MANBA: variants seen among roughly 807,000 people sequenced by gnomAD.
MANBA encodes the protein beta-mannosidase.
A neutral mutation model predicts 111.1 loss-of-function variants in MANBA; 83 were observed. The ratio of observed to expected loss-of-function variants is 0.75; its 90% confidence interval spans 0.63 to 0.90. The LOEUF (loss-of-function observed/expected upper bound fraction) is 0.90, where lower values mean the gene tolerates loss of function less well. Among genes scored for constraint, MANBA ranks in the 40% least tolerant of loss-of-function variants. MANBA has a pLI of 0.00. For synonymous variants in MANBA, 370 were observed against 378.7 expected (o/e 0.98, Z 0.27); for missense variants, 1,036 against 1,069.0 (o/e 0.97, Z 0.43).
chr4:102,700,005 G>A (rs1302215423), intron 5 of MANBA, among the ~76,000 whole-genome samples: 2 of 150,160 alleles, frequency 1.3e-5, no homozygotes, highest in Non-Finnish European at 3.0e-5. Flanking sequence ...TTTTTGGTTG[G>A]TAAGCTATTG....
Position 102,722,993 on chromosome 4 carries a change from G to A in MANBA, c.427C>T (p.Arg143Cys), listed in dbSNP as rs145950049. The change falls in exon 4 of 17, where the codon CGT becomes TGT. Residue 143 changes from arginine to cysteine, a missense_variant. Physicochemically the swap from Arg to Cys is radical, Grantham distance 180. Transcript: ENST00000647097. Reference protein sequence around the residue: ...VVRDVNSIELRFQSAVLYAAQ... With the variant: ...VVRDVNSIELCFQSAVLYAAQ... ...GCATACAACACCGCTGACTGGAAAC[G>A]CAGCTCAATGGAGTTCACGTCCCTG... 2.0e-5 allele frequency: 32 copies of A among 1,614,020 alleles called. No individual in the cohort carries two copies. In the African/African-American group the frequency reaches 2.1e-4, roughly 11 times the overall value.
chr4:102,715,530 C>G (rs1264752243), intron 4 of MANBA, among the ~76,000 whole-genome samples: 2 of 152,062 alleles, frequency 1.3e-5, no homozygotes, highest in African/African-American at 4.8e-5. Flanking sequence ...GGTACAAGTG[C>G]AGGTTTGTTA....
intron 12 of MANBA, among the ~76,000 whole-genome samples, chr4:102,651,465 A>G (rs188085814): frequency 2.0e-4 from 30 of 152,328 alleles, no homozygotes; most frequent in African/African-American, 6.7e-4. Context: ...GAAAAAAGCA[A>G]TAATTCTGGC....
At chr4:102,673,133 C>T (rs535198767) in intron 8 of MANBA, among the ~76,000 whole-genome samples, 63 of 152,068 alleles carry the variant, frequency 4.1e-4, no homozygotes, top group South Asian at 6.2e-4. Flanking sequence ...CCCACAACCG[C>T]GCCTCCACTA....
At chr4:102,731,125 C>A (rs998966946) in intron 1 of MANBA, among the ~76,000 whole-genome samples, 5 of 151,792 alleles carry the variant, frequency 3.3e-5, no homozygotes, top group Non-Finnish European at 7.4e-5. Context: ...TGTGCTCTTG[C>A]GATCTTGATT....
intron 12 of MANBA, 70 bp downstream of exon 12, chr4:102,657,612 C>T: frequency 1.7e-6 from 2 of 1,210,154 alleles, no homozygotes; most frequent in East Asian, 2.3e-5. Context: ...TTTTCTGAAC[C>T]AGTGATCAGA....
At chr4:102,688,634 T>C (rs769846207) in intron 7 of MANBA, among the ~76,000 whole-genome samples, 13 of 152,158 alleles carry the variant, frequency 8.5e-5, no homozygotes, top group South Asian at 4.1e-4. Context: ...CTACTAACTA[T>C]ATGCCATGAC....
At chr4:102,654,450 A>G (rs1285974761) in intron 12 of MANBA, among the ~76,000 whole-genome samples, 1 of 152,224 alleles carries the variant, frequency 6.6e-6, no homozygotes, top group Non-Finnish European at 1.5e-5. Flanking sequence ...ACATCATTAA[A>G]GTTAAAAGTA....
At chr4:102,697,717 A>G (rs1233735826) in intron 5 of MANBA, among the ~76,000 whole-genome samples, 3 of 150,300 alleles carry the variant, frequency 2.0e-5, no homozygotes, top group African/African-American at 7.3e-5. Flanking sequence ...ATAGTATTCC[A>G]TGGTGTATAT....
intron 5 of MANBA, among the ~76,000 whole-genome samples, chr4:102,709,404 AAAG>A (rs1188910597): frequency 1.0e-5 from 1 of 97,294 alleles, no homozygotes; most frequent in African/African-American, 3.5e-5. Context: ...GAAAGAAAAA[AAAG>A]AAAGAAAGAA....
chr4:102,643,184 G>A (rs933363105), intron 13 of MANBA, among the ~76,000 whole-genome samples: 3 of 152,076 alleles, frequency 2.0e-5, no homozygotes, highest in Non-Finnish European at 4.4e-5. Context: ...TGCCTATTCC[G>A]GACATTTCAC....
intron 4 of MANBA, among the ~76,000 whole-genome samples, chr4:102,717,993 A>G (rs1722408686): frequency 6.6e-6 from 1 of 152,264 alleles, no homozygotes; most frequent in African/African-American, 2.4e-5. Context: ...CCAGTTAGGC[A>G]ACCAGGGCAA....
At chr4:102,686,060 T>C (rs1201081876) in intron 7 of MANBA, among the ~76,000 whole-genome samples, 1 of 152,200 alleles carries the variant, frequency 6.6e-6, no homozygotes, top group Admixed American at 6.5e-5. Context: ...CAAAGAGCCC[T>C]GATTGCTTTC....
At chr4:102,731,012 T>C (rs1318594794) in intron 1 of MANBA, among the ~76,000 whole-genome samples, 2 of 152,034 alleles carry the variant, frequency 1.3e-5, no homozygotes, top group African/African-American at 4.8e-5. Flanking sequence ...AAGTAGCCAA[T>C]TGGGTCAGCT....
chr4:102,757,316 C>T (rs1018563423), intron 1 of MANBA, among the ~76,000 whole-genome samples: 2 of 149,970 alleles, frequency 1.3e-5, no homozygotes, highest in Admixed American at 1.3e-4. Context: ...GCAACAAGAG[C>T]GAAACTCCGT....
chr4:102,729,073 C>T, intron 1 of MANBA: 1 of 777,710 alleles, frequency 1.3e-6, no homozygotes, highest in Non-Finnish European at 2.3e-6. Context: ...GTTGCCATGC[C>T]ATGTCCTGCT....
chr4:102,640,859 A>T (rs769596692), intron 13 of MANBA, among the ~76,000 whole-genome samples: 3 of 152,234 alleles, frequency 2.0e-5, no homozygotes, highest in Non-Finnish European at 2.9e-5. Context: ...CATGAGTCAC[A>T]GCCATCAAAT....
rs188704207 is a variant in MANBA at position 102,719,763 on chromosome 4, T to C, written c.549+3108A>G. ...CAAATGACGGGCATACCTCAAGTTATTCTATGTTCACAAAGCCAGAATTCA... is the reference window on the plus strand; with the variant it reads ...CAAATGACGGGCATACCTCAAGTTACTCTATGTTCACAAAGCCAGAATTCA... On this transcript the variant is annotated intron_variant, in intron 4 of 16. Transcript: ENST00000647097. Among the ~76,000 whole-genome samples the C allele has an allele frequency of 8.1e-3, 1,241 of 152,356 alleles. 71 individuals carry two copies. The highest frequency in any genetic ancestry group is 0.076 in the Admixed American group (1,164 of 15,302).
At chr4:102,717,796 G>C (rs1722401565) in intron 4 of MANBA, among the ~76,000 whole-genome samples, 1 of 152,216 alleles carries the variant, frequency 6.6e-6, no homozygotes, top group African/African-American at 2.4e-5. Context: ...GAAGAGGCAG[G>C]GAGATGACTG....
Sources: gnomAD v4.1 joint callset for allele counts (sites outside exome capture counted in the v4.1 genomes callset) on GRCh38, gnomAD v4.1.1 for gene constraint, MANE v1.5 for transcripts, NCBI Gene and HGNC (gene_info 2026-07-23, HGNC 2026-07-21) for gene names.